Variants in KCNH5 observed in about 807,000 individuals in gnomAD.
KCNH5 encodes voltage-gated delayed rectifier potassium channel KCNH5.
KCNH5 carries 46 observed loss-of-function variants against 96.1 expected under a neutral mutation model. The ratio of observed to expected loss-of-function variants is 0.48; its 90% CI spans 0.38 to 0.61. The LOEUF (loss-of-function observed/expected upper bound fraction) is 0.61, where lower values mean the gene tolerates loss of function less well. Ranked by LOEUF, KCNH5 falls within the 20% of genes least tolerant of loss-of-function variation. The probability of loss-of-function intolerance (pLI) is 0.00; values close to 1 mark genes in which losing one functional copy is unlikely to be tolerated. For missense variants in KCNH5, 907 were observed against 1,225.8 expected, an observed-to-expected ratio of 0.74 and a Z score of 3.88; for synonymous variants, 439 against 449.8, an observed-to-expected ratio of 0.98 and a Z score of 0.30.
chr14:62,902,002 T>C (rs1215643701), intron 7 of KCNH5, among the ~76,000 whole-genome samples: 1 of 152,222 alleles, frequency 6.6e-6, no homozygotes, highest in Admixed American at 6.5e-5. Context: ...TCATGTTTGT[T>C]GTCTGCTGTT....
intron 6 of KCNH5, among the ~76,000 whole-genome samples, chr14:62,980,632 C>G (rs993076995): frequency 6.6e-6 from 1 of 152,166 alleles, no homozygotes; most frequent in African/African-American, 2.4e-5. Context: ...TCTTCTCCTC[C>G]ACTTCTTCCA....
At chr14:63,013,106 T>C (rs114065302) in intron 2 of KCNH5, among the ~76,000 whole-genome samples, 2,712 of 151,808 alleles carry the variant, frequency 0.018, 87 homozygotes, top group African/African-American at 0.062. Flanking sequence ...TGGTCCAATG[T>C]GGGAGGGGTT....
intron 6 of KCNH5, among the ~76,000 whole-genome samples, chr14:62,951,637 T>G (rs1890007683): frequency 6.6e-6 from 1 of 152,176 alleles, no homozygotes; most frequent in Non-Finnish European, 1.5e-5. Context: ...AAGACTCTAA[T>G]TATGCATGTT....
chr14:62,741,831 T>C (rs1305978942), intron 10 of KCNH5, among the ~76,000 whole-genome samples: 1 of 152,164 alleles, frequency 6.6e-6, no homozygotes, highest in Non-Finnish European at 1.5e-5. Flanking sequence ...AAGAATAGCA[T>C]TAGTGTTTTA....
chr14:62,822,897 A>G (rs1403914523), intron 8 of KCNH5, among the ~76,000 whole-genome samples: 2 of 152,154 alleles, frequency 1.3e-5, no homozygotes, highest in East Asian at 1.9e-4. Context: ...ACAAAGGTTA[A>G]TAACACATCC....
chr14:62,935,976 G>A (rs932800840), intron 7 of KCNH5, among the ~76,000 whole-genome samples: 5 of 152,168 alleles, frequency 3.3e-5, no homozygotes, highest in Middle Eastern at 3.4e-3. Flanking sequence ...CAATATTTAC[G>A]ACAGCAATGC....
chr14:62,802,295 G>C (rs141298052), intron 9 of KCNH5, 34 bp downstream of exon 9: 1 of 1,595,312 alleles, frequency 6.3e-7, no homozygotes, highest in Non-Finnish European at 8.6e-7. Context: ...CTGTTACTAC[G>C]CATTTGCTAC....
At position 62,700,168 on chromosome 14, in the gene KCNH5, G is replaced by T. The variant is rs975449151; in HGVS notation, c.*7340C>A. On this transcript the variant is annotated 3_prime_UTR_variant, in exon 11 of 11. Coordinates refer to ENST00000322893, the MANE Select transcript of KCNH5 (RefSeq NM_139318.5). ...AAGTCACTAGAACATAGACTAAAAAGAACTCTATAATTTTCAATATATCGT... is the reference window on the plus strand; with the variant it reads ...AAGTCACTAGAACATAGACTAAAAATAACTCTATAATTTTCAATATATCGT... The T allele has an allele frequency of 1.4e-4, 21 of 152,146 alleles. No individual in the cohort carries two copies. Among genetic ancestry groups the T allele is most frequent in the African/African-American group, 4.8e-4 (20 of 41,436 alleles). The allele number at this position is 152,146 out of a possible 1,614,324, so 9.4% of individuals were successfully genotyped here.
intron 10 of KCNH5, among the ~76,000 whole-genome samples, chr14:62,742,642 TCATATA>T (rs1885295307): frequency 6.6e-6 from 1 of 152,244 alleles, no homozygotes; most frequent in East Asian, 1.9e-4. Flanking sequence ...GTCTTTAACA[TCATATA>T]CATTTATTTA....
At chr14:62,999,794 A>C (rs1402985718) in intron 4 of KCNH5, among the ~76,000 whole-genome samples, 1 of 150,546 alleles carries the variant, frequency 6.6e-6, no homozygotes. Context: ...AGCACACCAG[A>C]ATGGCACATG....
intron 10 of KCNH5, among the ~76,000 whole-genome samples, chr14:62,745,682 C>T (rs1485421199): frequency 1.3e-5 from 2 of 152,148 alleles, no homozygotes; most frequent in South Asian, 2.1e-4. Flanking sequence ...CTAGCCACTT[C>T]CTCTCCCCTT....
At chr14:62,761,979 G>A (rs1388186942) in intron 10 of KCNH5, among the ~76,000 whole-genome samples, 1 of 152,092 alleles carries the variant, frequency 6.6e-6, no homozygotes, top group Non-Finnish European at 1.5e-5. Flanking sequence ...AGCAGCTCCT[G>A]GGGAAGAGGT....
intron 8 of KCNH5, among the ~76,000 whole-genome samples, chr14:62,812,134 A>C (rs1886885008): frequency 6.6e-6 from 1 of 152,178 alleles, no homozygotes; most frequent in African/African-American, 2.4e-5. Context: ...TCAACCAGGA[A>C]AAAAATATAA....
chr14:63,016,931 C>A lies in KCNH5; in HGVS notation c.97G>T (p.Ala33Ser). The A allele has an allele frequency of 6.2e-7, 1 of 1,604,514 alleles. No homozygotes were observed. The highest frequency in any genetic ancestry group is 1.1e-5 in the South Asian group (1 of 88,682). ...SSESSFLLGN[A>S]QIVDWPVVYS... ...ACTACAGGCCAATCCACAATCTGGG[C>A]ATTTCCCAGTAAGAAACTTGATTCT... Residue 33 changes from alanine (A) to serine (S), a missense_variant, in exon 2 of 11, where the codon GCC (alanine) becomes TCC (serine). Around this residue, in one of 6 missense-constraint regions of KCNH5, gnomAD observed 370 missense variants for 561.3 expected, o/e 0.66. Transcript: ENST00000322893.
intron 4 of KCNH5, among the ~76,000 whole-genome samples, chr14:63,000,454 T>C (rs997619939): frequency 6.6e-6 from 1 of 152,190 alleles, no homozygotes. Context: ...CACTGACTAG[T>C]GGTTTCTATA....
chr14:62,861,339 A>T (rs1888028860), intron 7 of KCNH5, among the ~76,000 whole-genome samples: 1 of 151,352 alleles, frequency 6.6e-6, no homozygotes. Flanking sequence ...ACGTAATCAC[A>T]GCTCACTGCA....
intron 7 of KCNH5, among the ~76,000 whole-genome samples, chr14:62,853,060 T>G (rs1452983819): frequency 6.6e-6 from 1 of 152,184 alleles, no homozygotes; most frequent in Non-Finnish European, 1.5e-5. Context: ...TTTTCACCTC[T>G]GCAAACAGCA....
chr14:62,853,470 T>TG (rs140776476), intron 7 of KCNH5, among the ~76,000 whole-genome samples: 21,547 of 128,652 alleles, frequency 0.17, 2,620 homozygotes, highest in East Asian at 0.3. Context: ...TATATATATA[T>TG]ATATATATAT....
chr14:62,955,571 T>C (rs1012076144), intron 6 of KCNH5, among the ~76,000 whole-genome samples: 1 of 152,180 alleles, frequency 6.6e-6, no homozygotes, highest in African/African-American at 2.4e-5. Context: ...GTCTCCAGAA[T>C]TTTCCTTCGT....
Sources: gnomAD v4.1 joint callset for allele counts (sites outside exome capture counted in the v4.1 genomes callset) on GRCh38, gnomAD v4.1.1 for gene constraint, gnomAD v4.1.1 regional missense constraint, MANE v1.5 for transcripts, NCBI Gene and HGNC (gene_info 2026-07-23, HGNC 2026-07-21) for gene names.